The following GRIK4 variants were observed in gnomAD, a reference collection of about 807,000 sequenced individuals.
GRIK4 encodes glutamate receptor ionotropic, kainate 4.
A neutral mutation model predicts 104.9 loss-of-function variants in GRIK4; 40 were observed. That is an observed-to-expected ratio of 0.38 (90% CI 0.30 to 0.50). The LOEUF is 0.50. Among genes scored for constraint, GRIK4 ranks in the 20% least tolerant of loss-of-function variants. The pLI is 0.93. For synonymous variants in GRIK4, 485 were observed against 524.9 expected (o/e 0.92, Z 1.04); for missense variants, 1,047 against 1,308.1 (o/e 0.80, Z 3.08).
At chr11:120,545,115 G>A (rs971567587) in intron 1 of GRIK4, among the ~76,000 whole-genome samples, 9 of 152,126 alleles carry the variant, frequency 5.9e-5, no homozygotes, top group African/African-American at 1.4e-4. Context: ...CCTGGCCCGC[G>A]GGGTCACTGG....
At position 120,545,797 on chromosome 11, in the gene GRIK4, T is replaced by C. The variant is rs144100662; in HGVS notation, c.-159+33910T>C. ...TAGGGAGCACCAGTTTTAGGGATCT[T>C]TGGATAACAACACCTAGACGTTCTT... On this transcript the variant is annotated intron_variant, in intron 1 of 20. Coordinates refer to ENST00000527524, the MANE Select transcript of GRIK4 (RefSeq NM_014619.5). 9.3e-4 allele frequency among the ~76,000 whole-genome samples: 141 copies of C among 152,300 alleles called. 1 individual carries two copies. The highest frequency in any genetic ancestry group is 3.3e-3 in the African/African-American group (138 of 41,564).
chr11:120,625,448 T>G (rs959245525), intron 1 of GRIK4, among the ~76,000 whole-genome samples: 15 of 152,098 alleles, frequency 9.9e-5, no homozygotes, highest in African/African-American at 3.6e-4. Flanking sequence ...GGCCATGATG[T>G]GAAGCAGCAG....
At chr11:120,692,137 C>T (rs1359365580) in intron 3 of GRIK4, among the ~76,000 whole-genome samples, 1 of 152,210 alleles carries the variant, frequency 6.6e-6, no homozygotes, top group Non-Finnish European at 1.5e-5. Flanking sequence ...TCAGTGGTAC[C>T]TGGCATGACA....
chr11:120,692,923 G>T (rs1001470406), intron 3 of GRIK4, among the ~76,000 whole-genome samples: 1 of 151,686 alleles, frequency 6.6e-6, no homozygotes, highest in Middle Eastern at 3.2e-3. Flanking sequence ...GTAGAGATGG[G>T]TTTTCACCAT....
At chr11:120,593,167 G>T (rs114957571) in intron 1 of GRIK4, among the ~76,000 whole-genome samples, 2 of 135,930 alleles carry the variant, frequency 1.5e-5, no homozygotes, top group African/African-American at 2.8e-5. Flanking sequence ...GGGCAACAGA[G>T]CCTGACTCTG....
chr11:120,733,700 A>G (rs563113003), intron 3 of GRIK4, among the ~76,000 whole-genome samples: 1 of 149,314 alleles, frequency 6.7e-6, no homozygotes, highest in East Asian at 2.0e-4. Context: ...TGTTGTAGTT[A>G]TTAATTTTTA....
rs1335588824 is a variant in GRIK4, at chr11:120,524,621, G to T, written c.-159+12734G>T. 1.3e-5 allele frequency among the ~76,000 whole-genome samples: 2 copies of T among 152,110 alleles called. No individual in the cohort carries two copies. Among genetic ancestry groups the T allele is most frequent in the Non-Finnish European group, 1.5e-5 (1 of 68,024 alleles). On this transcript the variant is annotated intron_variant, in intron 1 of 20. Transcript: ENST00000527524. This position sits in a 1 kb window ranked among gnomAD's most constrained non-coding sequence, Gnocchi z 4.5. ...AAGGGGGACTGTACTGGGGTGACTG[G>T]TAAGAGCAAAGGTGGCGTTTGGGCT... is the stretch of plus-strand genomic sequence containing the variant.
chr11:120,942,651 A>C (rs1943753579), intron 14 of GRIK4, among the ~76,000 whole-genome samples: 1 of 152,118 alleles, frequency 6.6e-6, no homozygotes. Context: ...AAGAAACCAC[A>C]ATTCACCAAT....
At chr11:120,537,005 C>G (rs1565542259) in intron 1 of GRIK4, among the ~76,000 whole-genome samples, 1 of 152,106 alleles carries the variant, frequency 6.6e-6, no homozygotes, top group South Asian at 2.1e-4. Context: ...GTGCACTGTG[C>G]CCAGTGCGTA....
At chr11:120,611,196 C>T (rs370620597) in intron 1 of GRIK4, among the ~76,000 whole-genome samples, 10 of 152,128 alleles carry the variant, frequency 6.6e-5, no homozygotes, top group African/African-American at 2.4e-4. Flanking sequence ...CACATAGGAA[C>T]TCCACCCAGT....
At chr11:120,850,091 A>G (rs976888309) in intron 8 of GRIK4, among the ~76,000 whole-genome samples, 6 of 152,162 alleles carry the variant, frequency 3.9e-5, no homozygotes, top group African/African-American at 1.4e-4. Flanking sequence ...TGACTGCTCC[A>G]TCTCATCAAC....
chr11:120,818,939 T>C (rs893143948), intron 5 of GRIK4, among the ~76,000 whole-genome samples: 2 of 152,188 alleles, frequency 1.3e-5, no homozygotes, highest in East Asian at 1.9e-4. Context: ...GATTATTACA[T>C]TGTAACTTTC....
intron 3 of GRIK4, among the ~76,000 whole-genome samples, chr11:120,752,989 C>T (rs775194902): frequency 5.3e-5 from 8 of 152,182 alleles, no homozygotes; most frequent in Non-Finnish European, 1.2e-4. Context: ...CCAGTCCCAC[C>T]CTCTCCCTTG....
chr11:120,683,035 T>C (rs1198962242), intron 3 of GRIK4, among the ~76,000 whole-genome samples: 1 of 152,058 alleles, frequency 6.6e-6, no homozygotes, highest in Non-Finnish European at 1.5e-5. Context: ...TGTGTCATCG[T>C]TCCTCAGAGA....
At chr11:120,529,882 TGAG>T (rs532555440) in intron 1 of GRIK4, among the ~76,000 whole-genome samples, 103 of 152,348 alleles carry the variant, frequency 6.8e-4, no homozygotes, top group African/African-American at 2.4e-3. Context: ...GTTTTATAGA[TGAG>T]GAGACAGAAG....
At chr11:120,615,157 A>G (rs924949710) in intron 1 of GRIK4, among the ~76,000 whole-genome samples, 1 of 152,140 alleles carries the variant, frequency 6.6e-6, no homozygotes, top group Non-Finnish European at 1.5e-5. Context: ...AGGTGTTGTT[A>G]TTCTTGTTTG....
intron 1 of GRIK4, among the ~76,000 whole-genome samples, chr11:120,554,662 G>A (rs959861431): frequency 6.6e-6 from 1 of 151,864 alleles, no homozygotes; most frequent in Non-Finnish European, 1.5e-5. Context: ...GGGTTCAAGC[G>A]ATTCTCTTGC....
intron 3 of GRIK4, among the ~76,000 whole-genome samples, chr11:120,726,443 C>A (rs1285436147): frequency 1.3e-5 from 2 of 152,148 alleles, no homozygotes; most frequent in Non-Finnish European, 2.9e-5. Flanking sequence ...AGGGTAAAAG[C>A]AGTGTTGATG....
intron 2 of GRIK4, among the ~76,000 whole-genome samples, chr11:120,655,830 T>G (rs1374677570): frequency 2.6e-5 from 4 of 152,050 alleles, no homozygotes; most frequent in East Asian, 3.9e-4. Flanking sequence ...GAAGAGGAAG[T>G]AGGAGGAGGA....
Sources: allele counts gnomAD v4.1 joint callset (sites outside exome capture counted in the v4.1 genomes callset), GRCh38; gene constraint gnomAD v4.1.1; non-coding constraint Gnocchi (gnomAD v3.1); transcripts MANE v1.5; gene names NCBI Gene and HGNC (gene_info 2026-07-23, HGNC 2026-07-21).